GALNT18: variants seen among roughly 807,000 people sequenced by gnomAD.
The protein encoded by GALNT18 is polypeptide N-acetylgalactosaminyltransferase 18.
A neutral mutation model predicts 69.5 loss-of-function variants in GALNT18; 44 were observed. The observed-to-expected ratio is 0.63, with a 90% CI of 0.50 to 0.81. The LOEUF (loss-of-function observed/expected upper bound fraction) is 0.81. Ranked by LOEUF, GALNT18 falls within the 40% of genes least tolerant of loss-of-function variation. The pLI is 0.00. For missense variants in GALNT18, 715 were observed against 810.0 expected (o/e 0.88, Z 1.42); for synonymous variants, 364 against 318.2 (o/e 1.14, Z -1.53).
At chr11:11,612,139 A>G (rs1055191842) in intron 1 of GALNT18, among the ~76,000 whole-genome samples, 26 of 151,708 alleles carry the variant, frequency 1.7e-4, no homozygotes, top group African/African-American at 6.0e-4. Context: ...ACCTACCTTG[A>G]ACAAACTCTA....
chr11:11,588,282 T>C (rs945502153), intron 1 of GALNT18, among the ~76,000 whole-genome samples: 3 of 152,168 alleles, frequency 2.0e-5, no homozygotes, highest in African/African-American at 7.2e-5. Flanking sequence ...CTGTGAGCTT[T>C]TTGTAGGCAG....
chr11:11,356,755 G>C lies in GALNT18; in HGVS notation c.1093-15751C>G, dbSNP rs1222124109. ...TGAATGCAATTGAAAAAACCAAAGT[G>C]TGAAGACCATTCCTGAGTAAAATTG... On this transcript the variant is annotated intron_variant, in intron 6 of 10. Coordinates refer to ENST00000227756, the MANE Select transcript of GALNT18 (RefSeq NM_198516.3). The surrounding 1 kb of genome is among the most constrained non-coding windows in gnomAD (Gnocchi z 4.4). Among the ~76,000 whole-genome samples the C allele has an allele frequency of 1.3e-5, 2 of 152,148 alleles. No homozygotes were observed. The highest frequency in any genetic ancestry group is 2.9e-5 in the Non-Finnish European group (2 of 68,032).
At chr11:11,343,846 G>A (rs780327371) in intron 6 of GALNT18, among the ~76,000 whole-genome samples, 17 of 152,178 alleles carry the variant, frequency 1.1e-4, no homozygotes, top group African/African-American at 2.2e-4. Flanking sequence ...CACATCTGCC[G>A]TCATTCTAAT....
In GALNT18 at chr11:11,595,679, T is replaced by A. The variant is rs116160115; in HGVS notation, c.235+25680A>T. 0.023 allele frequency among the ~76,000 whole-genome samples: 3,523 copies of A among 152,312 alleles called. 147 individuals are homozygous for A. Among genetic ancestry groups the A allele is most frequent in the African/African-American group, 0.081 (3,352 of 41,554 alleles). ...CATGTGGTTACTGAACATTTGTATA[T>A]CTTCTTCAGAGAATTTGTCTATTGA... On this transcript the variant is annotated intron_variant, in intron 1 of 10. Coordinates refer to ENST00000227756, the MANE Select transcript of GALNT18 (RefSeq NM_198516.3). This position sits in a 1 kb window ranked among gnomAD's most constrained non-coding sequence, Gnocchi z 5.2.
At chr11:11,443,540 AAG>A (rs1855578229) in intron 2 of GALNT18, among the ~76,000 whole-genome samples, 2 of 151,788 alleles carry the variant, frequency 1.3e-5, no homozygotes, top group Admixed American at 1.3e-4. Context: ...AATAAGGAGA[AAG>A]AGGGTGGACA....
intron 6 of GALNT18, among the ~76,000 whole-genome samples, chr11:11,368,868 CT>C (rs1364866610): frequency 6.6e-6 from 1 of 152,172 alleles, no homozygotes; most frequent in African/African-American, 2.4e-5. Context: ...CCTCTTGTTG[CT>C]TTCTTTTTCC....
chr11:11,581,202 C>T (rs946952274), intron 1 of GALNT18, among the ~76,000 whole-genome samples: 28 of 152,126 alleles, frequency 1.8e-4, no homozygotes, highest in African/African-American at 6.5e-4. Context: ...GAGTAGGGGC[C>T]CCGACAGCAC....
chr11:11,608,681 T>G (rs1257932303), intron 1 of GALNT18, among the ~76,000 whole-genome samples: 1 of 152,156 alleles, frequency 6.6e-6, no homozygotes, highest in Non-Finnish European at 1.5e-5. Flanking sequence ...ATTTCTATGC[T>G]TGGGGAAACT....
chr11:11,515,119 T>G (rs1857245707), intron 1 of GALNT18, among the ~76,000 whole-genome samples: 1 of 152,140 alleles, frequency 6.6e-6, no homozygotes, highest in Non-Finnish European at 1.5e-5. Flanking sequence ...TCACTTCACT[T>G]TTCTGTTGGC....
At chr11:11,311,077 C>T (rs181029454) in intron 9 of GALNT18, among the ~76,000 whole-genome samples, 1 of 152,226 alleles carries the variant, frequency 6.6e-6, no homozygotes, top group Admixed American at 6.5e-5. Flanking sequence ...ATGTTTTGGT[C>T]TTGTAGGGAC....
chr11:11,353,051 G>A, intron 6 of GALNT18: 1 of 1,614,138 alleles, frequency 6.2e-7, no homozygotes, highest in Non-Finnish European at 8.5e-7. Flanking sequence ...CGTAATCCCA[G>A]TATTCTCGAG....
intron 9 of GALNT18, among the ~76,000 whole-genome samples, chr11:11,316,168 C>G (rs888026551): frequency 3.9e-5 from 6 of 152,192 alleles, no homozygotes; most frequent in Admixed American, 3.3e-4. Flanking sequence ...TAGCAGACAC[C>G]TGAGCAATGA....
intron 1 of GALNT18, among the ~76,000 whole-genome samples, chr11:11,503,574 T>C (rs1349811666): frequency 2.0e-5 from 3 of 152,186 alleles, no homozygotes; most frequent in African/African-American, 7.2e-5. Context: ...CGCTAGGCAC[T>C]ATGTGTTCAG....
chr11:11,343,125 C>T (rs1378269370), intron 6 of GALNT18, among the ~76,000 whole-genome samples: 1 of 152,118 alleles, frequency 6.6e-6, no homozygotes, highest in Non-Finnish European at 1.5e-5. Context: ...GGGTGGATCA[C>T]TTGAGCTTGG....
Position 11,584,385 on chromosome 11 carries a change from C to T in GALNT18, c.235+36974G>A, listed in dbSNP as rs1859165380. ...AAAGTAAATCAAAGTAAACAGGAAC[C>T]TTGGAGCCATCAGGTTACTGTTGGA... On this transcript the variant is annotated intron_variant, in intron 1 of 10. Transcript: ENST00000227756. This position sits in a 1 kb window ranked among gnomAD's most constrained non-coding sequence, Gnocchi z 4.1. Among the ~76,000 whole-genome samples the T allele has an allele frequency of 6.6e-6, 1 of 152,126 alleles. No individual in the cohort carries two copies. Among genetic ancestry groups the T allele is most frequent in the South Asian group, 2.1e-4 (1 of 4,806 alleles).
At chr11:11,486,945 G>C (rs1206243123) in intron 1 of GALNT18, among the ~76,000 whole-genome samples, 1 of 152,220 alleles carries the variant, frequency 6.6e-6, no homozygotes, top group African/African-American at 2.4e-5. Flanking sequence ...GACCTGGTAT[G>C]ATGGCCAAGG....
chr11:11,304,530 C>G (rs4910310), intron 9 of GALNT18, among the ~76,000 whole-genome samples: 94,996 of 151,944 alleles, frequency 0.63, 30,302 homozygotes, highest in Admixed American at 0.76. Flanking sequence ...GGTGCATATC[C>G]TATGCACTGA....
At chr11:11,487,382 A>AAC (rs1368053927) in intron 1 of GALNT18, among the ~76,000 whole-genome samples, 27 of 152,164 alleles carry the variant, frequency 1.8e-4, no homozygotes, top group Non-Finnish European at 3.5e-4. Context: ...ATGTAACCAA[A>AAC]TACCACCTGT....
In GALNT18 at chr11:11,618,655, T is replaced by C. The variant is rs534777430; in HGVS notation, c.235+2704A>G. On this transcript the variant is annotated intron_variant, in intron 1 of 10. Coordinates refer to ENST00000227756, the MANE Select transcript of GALNT18 (RefSeq NM_198516.3). This position sits in a 1 kb window ranked among gnomAD's most constrained non-coding sequence, Gnocchi z 6.1. ...GAGCTTACATCCCTATACTATCATA[T>C]ACCAGTGTGTGACCCTGGACAAATC... is the stretch of plus-strand genomic sequence containing the variant. 3.3e-5 allele frequency among the ~76,000 whole-genome samples: 5 copies of C among 152,334 alleles called. No homozygotes were observed. Among genetic ancestry groups the C allele is most frequent in the African/African-American group, 1.2e-4 (5 of 41,572 alleles).
Sources: gnomAD v4.1 joint callset for allele counts (sites outside exome capture counted in the v4.1 genomes callset) on GRCh38, gnomAD v4.1.1 for gene constraint, Gnocchi (gnomAD v3.1) non-coding constraint, MANE v1.5 for transcripts, NCBI Gene and HGNC (gene_info 2026-07-23, HGNC 2026-07-21) for gene names.